The following ADGRG7 variants were observed in gnomAD, a reference collection of about 807,000 sequenced individuals.
The protein encoded by ADGRG7 is G-protein coupled receptor 128.
Under a neutral mutation model 88.6 loss-of-function variants are expected in ADGRG7, and 82 were observed. That is an observed-to-expected ratio of 0.93 (90% confidence interval 0.77 to 1.11). The LOEUF is 1.11. ADGRG7 is among the 50% of genes most tolerant of loss of function. ADGRG7 has a pLI of 0.00. For missense variants in ADGRG7, 945 were observed against 953.4 expected, an observed-to-expected ratio of 0.99 and a Z score of 0.12; for synonymous variants, 381 against 345.2, an observed-to-expected ratio of 1.10 and a Z score of -1.15.
At chr3:100,661,385 C>G (rs1466443894) in intron 14 of ADGRG7, among the ~76,000 whole-genome samples, 1 of 152,230 alleles carries the variant, frequency 6.6e-6, no homozygotes, top group Admixed American at 6.5e-5. Context: ...AAGCCACCAT[C>G]TTTAGTGGGA....
intron 15 of ADGRG7, among the ~76,000 whole-genome samples, chr3:100,685,635 T>G (rs1306920033): frequency 6.6e-6 from 1 of 152,192 alleles, no homozygotes; most frequent in Non-Finnish European, 1.5e-5. Context: ...TTTGGTTTTT[T>G]GTCCTTGCGA....
intron 11 of ADGRG7, among the ~76,000 whole-genome samples, chr3:100,653,893 T>C (rs2094933771): frequency 6.6e-6 from 1 of 152,092 alleles, no homozygotes; most frequent in Non-Finnish European, 1.5e-5. Flanking sequence ...ATTTTCTCCT[T>C]TGTTCAGCTA....
intron 15 of ADGRG7, among the ~76,000 whole-genome samples, chr3:100,670,157 C>T (rs961493478): frequency 1.3e-5 from 2 of 152,178 alleles, no homozygotes; most frequent in Non-Finnish European, 2.9e-5. Flanking sequence ...TTTCCCCTCC[C>T]GTCACTACCA....
At chr3:100,617,439 A>T (rs1204257503) in intron 1 of ADGRG7, among the ~76,000 whole-genome samples, 2 of 141,524 alleles carry the variant, frequency 1.4e-5, no homozygotes, top group Non-Finnish European at 3.0e-5. Flanking sequence ...CTCATTGTTC[A>T]ATTCCCACCT....
At chr3:100,646,858 A>C in intron 10 of ADGRG7, 134 bp downstream of exon 10, 1 of 844,862 alleles carries the variant, frequency 1.2e-6, no homozygotes, top group African/African-American at 1.7e-5. Context: ...AAAAACAAGA[A>C]ATAAAATAAT....
intron 13 of ADGRG7, among the ~76,000 whole-genome samples, chr3:100,657,935 C>T (rs2094939865): frequency 6.6e-6 from 1 of 152,032 alleles, no homozygotes; most frequent in Admixed American, 6.6e-5. Context: ...AATCCTTTCA[C>T]GTGTATAATA....
chr3:100,654,473 T>C, intron 11 of ADGRG7: 1 of 168,860 alleles, frequency 5.9e-6, no homozygotes, highest in Non-Finnish European at 1.3e-5. Context: ...TTGCATCCCA[T>C]CAGTTAAATC....
intron 1 of ADGRG7, among the ~76,000 whole-genome samples, chr3:100,612,175 C>T (rs1707163839): frequency 6.6e-6 from 1 of 151,964 alleles, no homozygotes; most frequent in Admixed American, 6.6e-5. Flanking sequence ...GTCTCTTTCA[C>T]TTTTATTTTT....
intron 1 of ADGRG7, among the ~76,000 whole-genome samples, chr3:100,623,024 A>G (rs1031228847): frequency 1.3e-5 from 2 of 151,996 alleles, no homozygotes; most frequent in Non-Finnish European, 2.9e-5. Context: ...CGGTCTCCCA[A>G]AATGCTGGGA....
chr3:100,694,674 G>A (rs1475533538), intron 15 of ADGRG7, 70 bp from the exon 16 acceptor site: 1 of 1,426,702 alleles, frequency 7.0e-7, no homozygotes, highest in Non-Finnish European at 9.6e-7. Flanking sequence ...GTGGCAGAGT[G>A]AAATAAAATG....
intron 14 of ADGRG7, among the ~76,000 whole-genome samples, chr3:100,660,368 G>C (rs911132597): frequency 6.6e-6 from 1 of 152,056 alleles, no homozygotes; most frequent in Non-Finnish European, 1.5e-5. Context: ...GCAGTGGCAC[G>C]ATCACAGCTC....
rs113848709 is a variant in ADGRG7, at chr3:100,638,425, A to G, written c.698+1023A>G. ...GCCTCTCACTGTCTCTGAAGTCAAGACACCTCTTCCTGACATCCAGCCACT... is the reference window on the plus strand; with the variant it reads ...GCCTCTCACTGTCTCTGAAGTCAAGGCACCTCTTCCTGACATCCAGCCACT... On this transcript the variant is annotated intron_variant, in intron 6 of 15. Transcript: ENST00000273352. Among the ~76,000 whole-genome samples, 762 of 152,208 alleles carry G rather than the reference A, an allele frequency of 5.0e-3. 8 individuals carry two copies. The highest frequency in any genetic ancestry group is 0.018 in the African/African-American group (728 of 41,514).
At chr3:100,613,800 C>T (rs376874777) in intron 1 of ADGRG7, among the ~76,000 whole-genome samples, 2 of 151,954 alleles carry the variant, frequency 1.3e-5, no homozygotes, top group African/African-American at 4.8e-5. Context: ...CAAACGTTGA[C>T]GATCTAACAT....
chr3:100,635,528 G>A, intron 4 of ADGRG7, 149 bp from the exon 5 acceptor site: 1 of 1,445,452 alleles, frequency 6.9e-7, no homozygotes. Context: ...CTTTACACAA[G>A]GAAGGATGCA....
intron 15 of ADGRG7, among the ~76,000 whole-genome samples, chr3:100,676,325 T>C (rs1418128319): frequency 6.6e-6 from 1 of 152,106 alleles, no homozygotes; most frequent in Non-Finnish European, 1.5e-5. Flanking sequence ...TTCAAGACAT[T>C]TTTCAACTTC....
chr3:100,665,251 G>A (rs1326959741), intron 14 of ADGRG7: 2 of 540,438 alleles, frequency 3.7e-6, no homozygotes, highest in East Asian at 5.4e-5. Flanking sequence ...CATCCATTAT[G>A]TTGATATTTA....
chr3:100,651,214 T>C (rs1361291447), intron 11 of ADGRG7, among the ~76,000 whole-genome samples: 2 of 152,216 alleles, frequency 1.3e-5, no homozygotes, highest in Non-Finnish European at 2.9e-5. Flanking sequence ...TCTCATGAAA[T>C]ATACACTGTT....
chr3:100,680,048 G>C (rs1209505837), intron 15 of ADGRG7, among the ~76,000 whole-genome samples: 2 of 152,152 alleles, frequency 1.3e-5, no homozygotes, highest in Non-Finnish European at 2.9e-5. Context: ...ATTTTTGCCT[G>C]ATTCTCTCAA....
At chr3:100,648,949 T>C (rs1302703421) in intron 10 of ADGRG7, among the ~76,000 whole-genome samples, 1 of 152,142 alleles carries the variant, frequency 6.6e-6, no homozygotes, top group Non-Finnish European at 1.5e-5. Context: ...TTGAGAGATA[T>C]ATAGCTATAT....
Sources: allele counts gnomAD v4.1 joint callset (sites outside exome capture counted in the v4.1 genomes callset), GRCh38; gene constraint gnomAD v4.1.1; transcripts MANE v1.5; gene names NCBI Gene and HGNC (gene_info 2026-07-23, HGNC 2026-07-21).